LOXHD1: variants seen among roughly 807,000 people sequenced by gnomAD.
LOXHD1 encodes the protein lipoxygenase homology PLAT domains 1.
In LOXHD1, 205 loss-of-function variants were observed where a neutral mutation model predicts 248.2. That is an observed-to-expected ratio of 0.83 (90% confidence interval 0.74 to 0.93). The LOEUF is 0.93. LOXHD1 is among the 40% of genes least tolerant of loss of function. The pLI is 0.00. For missense variants in LOXHD1, 2,930 were observed against 2,971.6 expected, an observed-to-expected ratio of 0.99 and a Z score of 0.33; for synonymous variants, 1,113 against 1,162.8, an observed-to-expected ratio of 0.96 and a Z score of 0.87.
chr18:46,542,871 C>T lies in LOXHD1; in HGVS notation c.3620-16G>A, dbSNP rs1004647571. 9 of 1,551,674 alleles carry T rather than the reference C, an allele frequency of 5.8e-6. No homozygotes were observed. Among genetic ancestry groups the T allele is most frequent in the Non-Finnish European group, 7.0e-6 (8 of 1,146,980 alleles). On this transcript the variant is annotated splice_polypyrimidine_tract_variant and intron_variant, in intron 23 of 40. Transcript: ENST00000642948. ...AGGGTCATTCCTGTGGATCAGATGA[C>T]CCCAGCATGACTGGCTGGACCTGAG...
chr18:46,651,670 G>A (rs2144405366), intron 1 of LOXHD1, among the ~76,000 whole-genome samples: 1 of 151,594 alleles, frequency 6.6e-6, no homozygotes, highest in South Asian at 2.1e-4. Context: ...CTGACAAATT[G>A]GACTTCATTA....
At chr18:46,537,007 A>G (rs1824761590) in intron 26 of LOXHD1, among the ~76,000 whole-genome samples, 1 of 152,070 alleles carries the variant, frequency 6.6e-6, no homozygotes, top group South Asian at 2.1e-4. Flanking sequence ...CACTCCTCCC[A>G]TGGCTTCTAC....
intron 37 of LOXHD1, among the ~76,000 whole-genome samples, chr18:46,489,585 A>T (rs1440203410): frequency 1.3e-5 from 2 of 152,164 alleles, no homozygotes; most frequent in East Asian, 1.9e-4. Flanking sequence ...GTCCATGCCC[A>T]TTATCCTTCC....
rs933356834 is a variant in LOXHD1 at position 46,507,771 on chromosome 18, C to T, written c.5518-59G>A. Reference sequence around the variant, plus strand: ...GTCCTCCCTCACCTCCACCAGCACCCCCTGGCTCATGCAGCCCCTCCCCGA... The same window carrying T: ...GTCCTCCCTCACCTCCACCAGCACCTCCTGGCTCATGCAGCCCCTCCCCGA... On this transcript the variant is annotated intron_variant, in intron 35 of 40. Transcript: ENST00000642948. 4 of 1,499,562 alleles carry T rather than the reference C, an allele frequency of 2.7e-6. No individual in the cohort carries two copies. In the Admixed American group the frequency reaches 8.1e-5, roughly 30 times the overall value. 92.9% of individuals were successfully genotyped at this position (1,499,562 alleles called of 1,614,324 possible).
intron 1 of LOXHD1, among the ~76,000 whole-genome samples, chr18:46,651,842 A>T (rs1189908738): frequency 2.0e-5 from 3 of 152,202 alleles, no homozygotes; most frequent in Non-Finnish European, 4.4e-5. Flanking sequence ...ACAAGTTTTT[A>T]AGAAGATAAG....
At chr18:46,610,612 TGGAGGCCATAA>T (rs2038492365) in intron 6 of LOXHD1, among the ~76,000 whole-genome samples, 153 bp downstream of exon 6, 1 of 152,052 alleles carries the variant, frequency 6.6e-6, no homozygotes, top group Non-Finnish European at 1.5e-5. Flanking sequence ...GATGAAGTCT[TGGAGGCCATAA>T]GGAGGACAGA....
At chr18:46,637,376 T>C (rs1177033428) in intron 4 of LOXHD1, among the ~76,000 whole-genome samples, 1 of 152,164 alleles carries the variant, frequency 6.6e-6, no homozygotes, top group Non-Finnish European at 1.5e-5. Flanking sequence ...ACATGAATTG[T>C]TTCTCATGAT....
chr18:46,568,612 C>T (rs1414308819), intron 16 of LOXHD1, among the ~76,000 whole-genome samples: 1 of 152,162 alleles, frequency 6.6e-6, no homozygotes, highest in Non-Finnish European at 1.5e-5. Context: ...GACCCTCATG[C>T]CATAAAGCAT....
At chr18:46,597,666 C>T (rs2038277357) in intron 8 of LOXHD1, among the ~76,000 whole-genome samples, 1 of 152,022 alleles carries the variant, frequency 6.6e-6, no homozygotes, top group Non-Finnish European at 1.5e-5. Context: ...TAGGAAAGGA[C>T]ATACTTCTCA....
At position 46,545,433 on chromosome 18, in the gene LOXHD1, A is replaced by ATAG; in HGVS notation, c.3515-15_3515-13dup. Reference sequence around the variant, plus strand: ...TGTGGTAGATTTATCTGCCAAGAGAATAGTATAGAGCAATGAATTGTAGAC... The same window carrying ATAG: ...TGTGGTAGATTTATCTGCCAAGAGAATAGTAGTATAGAGCAATGAATTGTAGAC... On this transcript the variant is annotated splice_polypyrimidine_tract_variant and intron_variant, in intron 22 of 40. Coordinates refer to ENST00000642948, the MANE Select transcript of LOXHD1 (RefSeq NM_001384474.1). 1.3e-6 allele frequency: 2 copies of ATAG among 1,532,124 alleles called. No individual in the cohort carries two copies. The highest frequency in any genetic ancestry group is 1.8e-6 in the Non-Finnish European group (2 of 1,128,898). The allele number at this position is 1,532,124 out of a possible 1,614,324, so 94.9% of individuals were successfully genotyped here.
chr18:46,533,063 C>A, intron 28 of LOXHD1, 99 bp downstream of exon 28: 1 of 1,323,846 alleles, frequency 7.6e-7, no homozygotes, highest in East Asian at 2.5e-5. Flanking sequence ...AGACCCTACT[C>A]CTGGGTGAAG....
At chr18:46,598,409 G>T (rs2038289301) in intron 8 of LOXHD1, among the ~76,000 whole-genome samples, 1 of 151,606 alleles carries the variant, frequency 6.6e-6, no homozygotes, top group Non-Finnish European at 1.5e-5. Context: ...ACAAAATAAA[G>T]TTATCTACTA....
chr18:46,545,281 A>G, intron 23 of LOXHD1, 36 bp downstream of exon 23: 1 of 1,442,784 alleles, frequency 6.9e-7, no homozygotes, highest in Non-Finnish European at 9.5e-7. Flanking sequence ...CTGGGGAAGA[A>G]TGTGGGTGAA....
downstream of LOXHD1, chr18:46,477,017 T>G (rs2032060328): frequency 6.5e-6 from 4 of 612,962 alleles, no homozygotes; most frequent in Non-Finnish European, 1.2e-5. Context: ...AGTATACACT[T>G]CTTAGCAAGC....
chr18:46,478,225 GTTGACT>G (rs1568062774), intron 40 of LOXHD1, among the ~76,000 whole-genome samples: 1 of 151,932 alleles, frequency 6.6e-6, no homozygotes, highest in Non-Finnish European at 1.5e-5. Flanking sequence ...AGCAAATCCT[GTTGACT>G]TTATTTTTTT....
At chr18:46,612,004 T>C (rs894219934) in intron 5 of LOXHD1, among the ~76,000 whole-genome samples, 1 of 152,236 alleles carries the variant, frequency 6.6e-6, no homozygotes, top group Non-Finnish European at 1.5e-5. Flanking sequence ...CATACCCTTA[T>C]GCTACTTGCT....
chr18:46,639,564 G>A (rs2038936176), intron 4 of LOXHD1, 52 bp downstream of exon 4: 1 of 1,513,598 alleles, frequency 6.6e-7, no homozygotes. Flanking sequence ...TTTCCTGGGT[G>A]AGCCCAGCCC....
At chr18:46,533,041 G>A (rs1363843201) in intron 28 of LOXHD1, 121 bp downstream of exon 28, 1 of 1,045,310 alleles carries the variant, frequency 9.6e-7, no homozygotes, top group East Asian at 2.6e-5. Flanking sequence ...TCTAGAGAGT[G>A]GAGGTAACAA....
intron 19 of LOXHD1, 32 bp downstream of exon 19, chr18:46,560,051 C>A: frequency 5.3e-6 from 7 of 1,310,674 alleles, no homozygotes; most frequent in South Asian, 1.4e-5. Flanking sequence ...TGGCCACTCC[C>A]TCCCCACCCC....
Sources: allele counts gnomAD v4.1 joint callset (sites outside exome capture counted in the v4.1 genomes callset), GRCh38; gene constraint gnomAD v4.1.1; transcripts MANE v1.5; gene names NCBI Gene and HGNC (gene_info 2026-07-23, HGNC 2026-07-21).